The following CCND2 variants were observed in gnomAD, a reference collection of about 807,000 sequenced individuals.
The protein encoded by CCND2 is G1/S-specific cyclin-D2.
In CCND2, 6 loss-of-function variants were observed where a neutral mutation model predicts 30.2. The ratio of observed to expected loss-of-function variants is 0.20; its 90% CI spans 0.11 to 0.39. The LOEUF (loss-of-function observed/expected upper bound fraction) is 0.39. Among genes scored for constraint, CCND2 ranks in the 10% least tolerant of loss-of-function variants. The pLI is 1.00. For synonymous variants in CCND2, 150 were observed against 153.1 expected (o/e 0.98, Z 0.15); for missense variants, 235 against 373.4 (o/e 0.63, Z 3.06).
intron 3 of CCND2, among the ~76,000 whole-genome samples, chr12:4,283,689 C>G (rs1459051341): frequency 6.6e-6 from 1 of 152,216 alleles, no homozygotes. Flanking sequence ...CTGGGATTCC[C>G]CTAAGGTGTG....
In CCND2 at chr12:4,301,353, GT is replaced by G. The variant is rs34524099; in HGVS notation, c.*1357del. ...GGTGTGGCATTTTGTTCCCTTTTCC[GT>G]TTTTTTTTTTTTATTGTTGTTGTTA... On this transcript the variant is annotated 3_prime_UTR_variant, in exon 5 of 5. Coordinates refer to ENST00000261254, the MANE Select transcript of CCND2 (RefSeq NM_001759.4). The G allele has an allele frequency of 0.58, 127,882 of 218,626 alleles. 32,687 individuals carry two copies. Among genetic ancestry groups the G allele is most frequent in the Admixed American group, 0.7 (11,863 of 16,910 alleles). The allele number at this position is 218,626 out of a possible 1,614,324, so 13.5% of individuals were successfully genotyped here. A position where few individuals can be genotyped will look rare whatever the true frequency, so the allele number is the denominator to read the frequency against.
chr12:4,293,159 C>T lies in CCND2; in HGVS notation c.720+4169C>T, dbSNP rs769192950. On this transcript the variant is annotated intron_variant, in intron 4 of 4. Transcript: ENST00000261254. This position sits in a 1 kb window ranked among gnomAD's most constrained non-coding sequence, Gnocchi z 4.9. ...TTTAACTTCAATTCTGTGTCAGGGC[C>T]TTCCGAGCCTTCTGAGTTTTCCCCA... 7.2e-5 allele frequency among the ~76,000 whole-genome samples: 11 copies of T among 152,202 alleles called. No homozygotes were observed. Among genetic ancestry groups the T allele is most frequent in the Non-Finnish European group, 1.0e-4 (7 of 68,040 alleles).
Position 4,282,969 on chromosome 12 carries a change from C to T in CCND2, c.571+4050C>T, listed in dbSNP as rs2120543959. Among the ~76,000 whole-genome samples the T allele has an allele frequency of 6.6e-6, 1 of 152,330 alleles. No homozygotes were observed. Among genetic ancestry groups the T allele is most frequent in the South Asian group, 2.1e-4 (1 of 4,832 alleles). On this transcript the variant is annotated intron_variant, in intron 3 of 4. Coordinates refer to ENST00000261254, the MANE Select transcript of CCND2 (RefSeq NM_001759.4). This position sits in a 1 kb window ranked among gnomAD's most constrained non-coding sequence, Gnocchi z 4.3. ...AGCCTGACCTGGCCTTCCCTTTCTT[C>T]TTCAGCGTCAGAGTGCGTATCTCTC... is the stretch of plus-strand genomic sequence containing the variant.
At chr12:4,295,169 G>A (rs917361392) in intron 4 of CCND2, among the ~76,000 whole-genome samples, 1 of 152,246 alleles carries the variant, frequency 6.6e-6, no homozygotes, top group African/African-American at 2.4e-5. Flanking sequence ...TCATGGAAGG[G>A]AGAGGCCAAG....
intron 3 of CCND2, among the ~76,000 whole-genome samples, chr12:4,279,412 C>G (rs1029173209): frequency 1.4e-5 from 2 of 138,742 alleles, no homozygotes; most frequent in African/African-American, 5.7e-5. Context: ...TTTTTTTTTA[C>G]TGTAGGGCAT....
At chr12:4,283,620 G>A (rs941291189) in intron 3 of CCND2, among the ~76,000 whole-genome samples, 24 of 152,290 alleles carry the variant, frequency 1.6e-4, no homozygotes, top group African/African-American at 4.3e-4. Context: ...CATCATCACC[G>A]CCGTCATAAG....
Position 4,300,971 on chromosome 12 carries a change from C to T in CCND2, c.*962C>T, listed in dbSNP as rs764116163. ...TAGCATTGTTATAAACCATTCCATT[C>T]GAAAAGCACTTTGAAAAATTGTTCC... On this transcript the variant is annotated 3_prime_UTR_variant, in exon 5 of 5. Coordinates refer to ENST00000261254, the MANE Select transcript of CCND2 (RefSeq NM_001759.4). The T allele has an allele frequency of 8.6e-6, 2 of 233,682 alleles. No homozygotes were observed. The highest frequency in any genetic ancestry group is 6.0e-5 in the East Asian group (1 of 16,586). The allele number at this position is 233,682 out of a possible 1,614,324, so 14.5% of individuals were successfully genotyped here.
chr12:4,280,779 AG>A (rs1863938017), intron 3 of CCND2, among the ~76,000 whole-genome samples: 1 of 152,316 alleles, frequency 6.6e-6, no homozygotes, highest in African/African-American at 2.4e-5. Context: ...TGATAGCCAG[AG>A]CTCTGCTCAA....
intron 1 of CCND2, chr12:4,275,556 C>T (rs1212593158): frequency 7.2e-6 from 1 of 139,602 alleles, no homozygotes; most frequent in Non-Finnish European, 1.5e-5. Context: ...TTCCAATTGT[C>T]GGGAATGATA....
intron 4 of CCND2, among the ~76,000 whole-genome samples, chr12:4,292,730 T>A (rs527602533): frequency 6.6e-6 from 1 of 152,278 alleles, no homozygotes; most frequent in East Asian, 1.9e-4. Context: ...TAAGAGTTGC[T>A]AAAAACAGCC....
rs1864274599 is a variant in CCND2 at position 4,303,190 on chromosome 12, G to A, written c.*3181G>A. Reference sequence around the variant, plus strand: ...CTTCCTGTAGTCCCGAGGCCCCTGGGTCCTTCTAGCTTTTCTCTTTCCCAT... The same window carrying A: ...CTTCCTGTAGTCCCGAGGCCCCTGGATCCTTCTAGCTTTTCTCTTTCCCAT... On this transcript the variant is annotated 3_prime_UTR_variant, in exon 5 of 5. Coordinates refer to ENST00000261254, the MANE Select transcript of CCND2 (RefSeq NM_001759.4). This position sits in a 1 kb window ranked among gnomAD's most constrained non-coding sequence, Gnocchi z 4.6. 1 of 233,358 alleles carries A rather than the reference G, an allele frequency of 4.3e-6. No individual in the cohort carries two copies. The highest frequency in any genetic ancestry group is 2.2e-5 in the African/African-American group (1 of 45,448). 14.5% of individuals were successfully genotyped at this position (233,358 alleles called of 1,614,324 possible).
At position 4,293,541 on chromosome 12, in the gene CCND2, G is replaced by A. The variant is rs923782014; in HGVS notation, c.720+4551G>A. On this transcript the variant is annotated intron_variant, in intron 4 of 4. Transcript: ENST00000261254. This position sits in a 1 kb window ranked among gnomAD's most constrained non-coding sequence, Gnocchi z 4.9. ...GTGTACACAGTACCCAATAGGGAGT[G>A]TTTCAACTCTCGTCCCTGTCCCTAG... 6.6e-6 allele frequency among the ~76,000 whole-genome samples: 1 copy of A among 152,166 alleles called. No individual in the cohort carries two copies. Among genetic ancestry groups the A allele is most frequent in the Non-Finnish European group, 1.5e-5 (1 of 68,032 alleles).
chr12:4,281,706 A>T (rs1863950564), intron 3 of CCND2, among the ~76,000 whole-genome samples: 1 of 152,050 alleles, frequency 6.6e-6, no homozygotes, highest in South Asian at 2.1e-4. Flanking sequence ...AAGAGCTGGC[A>T]GTGGTTCTGC....
chr12:4,288,032 T>C (rs1004287844), intron 3 of CCND2, among the ~76,000 whole-genome samples: 10 of 152,180 alleles, frequency 6.6e-5, no homozygotes, highest in African/African-American at 2.2e-4. Context: ...AGTCATAACA[T>C]CGAAACCGAG....
At position 4,282,289 on chromosome 12, in the gene CCND2, C is replaced by A. The variant is rs919257376; in HGVS notation, c.571+3370C>A. Among the ~76,000 whole-genome samples the A allele has an allele frequency of 6.6e-6, 1 of 152,166 alleles. No homozygotes were observed. The highest frequency in any genetic ancestry group is 2.4e-5 in the African/African-American group (1 of 41,436). ...ACATCCCCTCTTTCTTCACTAGAAGCCCACCCTAAGATGCTGCACCTTGGT... is the reference window on the plus strand; with the variant it reads ...ACATCCCCTCTTTCTTCACTAGAAGACCACCCTAAGATGCTGCACCTTGGT... On this transcript the variant is annotated intron_variant, in intron 3 of 4. Transcript: ENST00000261254. This position sits in a 1 kb window ranked among gnomAD's most constrained non-coding sequence, Gnocchi z 4.3.
Position 4,301,405 on chromosome 12 carries a change from G to A in CCND2, c.*1396G>A, listed in dbSNP as rs1404577735. Reference sequence around the variant, plus strand: ...ATTTTATTGCAAAGTTGTATTCAGCGTACTTGAATTTTTCTTCCTCTCCAC... The same window carrying A: ...ATTTTATTGCAAAGTTGTATTCAGCATACTTGAATTTTTCTTCCTCTCCAC... On this transcript the variant is annotated 3_prime_UTR_variant, in exon 5 of 5. Transcript: ENST00000261254. 2.6e-5 allele frequency: 6 copies of A among 229,360 alleles called. No homozygotes were observed. Among genetic ancestry groups the A allele is most frequent in the Admixed American group, 5.7e-5 (1 of 17,400 alleles). 14.2% of individuals were successfully genotyped at this position (229,360 alleles called of 1,614,324 possible).
At chr12:4,295,144 G>A (rs1864150656) in intron 4 of CCND2, among the ~76,000 whole-genome samples, 4 of 152,210 alleles carry the variant, frequency 2.6e-5, no homozygotes, top group Admixed American at 6.5e-5. Flanking sequence ...TCATATGCAA[G>A]GCATGAGCTC....
intron 2 of CCND2, among the ~76,000 whole-genome samples, chr12:4,278,497 G>A (rs1050927930): frequency 1.8e-4 from 27 of 152,148 alleles, no homozygotes; most frequent in Admixed American, 3.9e-4. Context: ...GAGTGGAAAC[G>A]AAGTAGAAGA....
rs4765775 is a variant in CCND2 at position 4,304,960 on chromosome 12, G to A, written c.*4951G>A. 0.99 allele frequency: 230,475 copies of A among 232,704 alleles called. 114,163 individuals are homozygous for A. Among genetic ancestry groups the A allele is most frequent in the East Asian group, 1 (16,548 of 16,548 alleles). The allele number at this position is 232,704 out of a possible 1,614,324, so 14.4% of individuals were successfully genotyped here. A position where few individuals can be genotyped will look rare whatever the true frequency, so the allele number is the denominator to read the frequency against. On this transcript the variant is annotated 3_prime_UTR_variant, in exon 5 of 5. Coordinates refer to ENST00000261254, the MANE Select transcript of CCND2 (RefSeq NM_001759.4). This position sits in a 1 kb window ranked among gnomAD's most constrained non-coding sequence, Gnocchi z 6.2. ...TCTCTCTCTCCTCTCTCTCAGTTAT[G>A]TAGTTTCTTGTCTTGGACTTTTTTT...
Sources: allele counts gnomAD v4.1 joint callset (sites outside exome capture counted in the v4.1 genomes callset), GRCh38; gene constraint gnomAD v4.1.1; non-coding constraint Gnocchi (gnomAD v3.1); transcripts MANE v1.5; gene names NCBI Gene and HGNC (gene_info 2026-07-23, HGNC 2026-07-21).